Variants in SCAMP1 observed in about 807,000 individuals in gnomAD.
The protein encoded by SCAMP1 is secretory carrier membrane protein 1.
A neutral mutation model predicts 41.8 loss-of-function variants in SCAMP1; 15 were observed. The observed-to-expected ratio is 0.36, with a 90% CI of 0.24 to 0.55. The LOEUF (loss-of-function observed/expected upper bound fraction) is 0.55. SCAMP1 is among the 20% of genes least tolerant of loss of function. The pLI is 0.86. For synonymous variants in SCAMP1, 135 were observed against 136.8 expected (o/e 0.99, Z 0.09); for missense variants, 341 against 412.6 (o/e 0.83, Z 1.50).
chr5:78,403,126 C>T (rs1356559684), intron 2 of SCAMP1, among the ~76,000 whole-genome samples: 1 of 152,210 alleles, frequency 6.6e-6, no homozygotes, highest in Non-Finnish European at 1.5e-5. Flanking sequence ...CTGCCTCGGC[C>T]TCCCAAAGTG....
chr5:78,421,435 G>T (rs1196955500), intron 5 of SCAMP1, among the ~76,000 whole-genome samples: 1 of 151,912 alleles, frequency 6.6e-6, no homozygotes, highest in Admixed American at 6.6e-5. Context: ...CTAAGTCCTG[G>T]GTCTTTTCCT....
rs562856601 is a variant in SCAMP1 at position 78,360,644 on chromosome 5, C to T, written c.-28C>T. ...CTCGTCTCTCTCTCTGCGCCTGGGT[C>T]GGGTGGGTGACGCCGAGAGCCAGAG... On this transcript the variant is annotated 5_prime_UTR_variant, in exon 1 of 9. Transcript: ENST00000621999. 75 of 1,597,792 alleles carry T rather than the reference C, an allele frequency of 4.7e-5. No homozygotes were observed. Among genetic ancestry groups the T allele is most frequent in the Non-Finnish European group, 5.8e-5 (68 of 1,172,922 alleles).
chr5:78,379,877 CT>C (rs1039015355), intron 1 of SCAMP1, among the ~76,000 whole-genome samples: 1 of 151,996 alleles, frequency 6.6e-6, no homozygotes, highest in African/African-American at 2.4e-5. Context: ...CTCCTTTTTT[CT>C]TTTTGAGTTA....
chr5:78,428,352 C>G (rs1752517803), intron 6 of SCAMP1, among the ~76,000 whole-genome samples: 1 of 152,134 alleles, frequency 6.6e-6, no homozygotes, highest in Non-Finnish European at 1.5e-5. Context: ...GTTGAAAAAT[C>G]ACTTGTCCAT....
intron 8 of SCAMP1, among the ~76,000 whole-genome samples, chr5:78,470,621 G>T (rs1188321340): frequency 1.3e-5 from 2 of 152,126 alleles, no homozygotes; most frequent in East Asian, 3.8e-4. Context: ...GTGAACATTG[G>T]TGTACAGTTA....
intron 4 of SCAMP1, among the ~76,000 whole-genome samples, chr5:78,417,693 A>G (rs914334589): frequency 4.6e-5 from 7 of 152,282 alleles, no homozygotes; most frequent in Middle Eastern, 6.8e-3. Context: ...GGAGAGAGTA[A>G]GTTGCCCAAG....
At chr5:78,418,682 C>T in intron 4 of SCAMP1, 93 bp from the exon 5 acceptor site, 1 of 796,206 alleles carries the variant, frequency 1.3e-6, no homozygotes, top group Admixed American at 3.3e-5. Flanking sequence ...CTTTTGTTAA[C>T]ATAATAGAGT....
chr5:78,391,079 G>A (rs1048433756), intron 2 of SCAMP1, among the ~76,000 whole-genome samples: 2 of 139,228 alleles, frequency 1.4e-5, no homozygotes, highest in Non-Finnish European at 3.2e-5. Flanking sequence ...GCAACCATCC[G>A]ATTTCTCAAT....
At chr5:78,376,952 C>A (rs574269832) in intron 1 of SCAMP1, among the ~76,000 whole-genome samples, 16 of 152,082 alleles carry the variant, frequency 1.1e-4, no homozygotes, top group African/African-American at 3.6e-4. Context: ...ACAGGGTGAT[C>A]CTAAGAAAAG....
At chr5:78,426,980 G>C (rs1398158433) in intron 6 of SCAMP1, among the ~76,000 whole-genome samples, 1 of 152,072 alleles carries the variant, frequency 6.6e-6, no homozygotes, top group East Asian at 1.9e-4. Context: ...ATGGATATTT[G>C]GCTCTTTTCA....
chr5:78,460,697 C>CTT (rs1753563425), intron 8 of SCAMP1, among the ~76,000 whole-genome samples: 1 of 144,148 alleles, frequency 6.9e-6, no homozygotes, highest in South Asian at 2.2e-4. Flanking sequence ...TGTAGATTGT[C>CTT]TCTTTACTCT....
At chr5:78,449,751 T>G (rs1753169903) in intron 6 of SCAMP1, among the ~76,000 whole-genome samples, 182 bp from the exon 7 acceptor site, 1 of 152,184 alleles carries the variant, frequency 6.6e-6, no homozygotes, top group Admixed American at 6.5e-5. Context: ...CGAGTTCACA[T>G]AAGTTATTAC....
rs114569357 is a variant in SCAMP1, at chr5:78,443,974, A to G, written c.633-5959A>G. ...CCCAGCTCTTAATAGATTTTAAGAG[A>G]TAGACTCTATTATAAATTTAGAATT... On this transcript the variant is annotated intron_variant, in intron 6 of 8. Transcript: ENST00000621999. 8.8e-3 allele frequency among the ~76,000 whole-genome samples: 1,347 copies of G among 152,232 alleles called. 16 individuals carry two copies. The highest frequency in any genetic ancestry group is 0.031 in the African/African-American group (1,268 of 41,520).
chr5:78,444,111 G>T (rs1185139198), intron 6 of SCAMP1, among the ~76,000 whole-genome samples: 2 of 152,158 alleles, frequency 1.3e-5, no homozygotes, highest in East Asian at 3.8e-4. Flanking sequence ...CTATTCTGGA[G>T]AAAGAATTCA....
At chr5:78,456,510 G>GC (rs1310114371) in intron 7 of SCAMP1, among the ~76,000 whole-genome samples, 1 of 151,372 alleles carries the variant, frequency 6.6e-6, no homozygotes, top group Admixed American at 6.6e-5. Context: ...TTGAATATTG[G>GC]CCCCCACTCT....
chr5:78,458,529 G>C (rs1753493389), intron 7 of SCAMP1, among the ~76,000 whole-genome samples: 1 of 152,088 alleles, frequency 6.6e-6, no homozygotes, highest in Non-Finnish European at 1.5e-5. Context: ...TCCTTTGTTG[G>C]ATATATGGTT....
intron 6 of SCAMP1, among the ~76,000 whole-genome samples, chr5:78,440,163 C>T (rs769242049): frequency 2.0e-5 from 3 of 152,126 alleles, no homozygotes; most frequent in Non-Finnish European, 2.9e-5. Context: ...TCCTTTAGCT[C>T]GGAGAAGTTT....
At chr5:78,368,696 G>A (rs1206266685) in intron 1 of SCAMP1, among the ~76,000 whole-genome samples, 1 of 152,164 alleles carries the variant, frequency 6.6e-6, no homozygotes, top group African/African-American at 2.4e-5. Context: ...ATGGTCATGG[G>A]ACTGGAATCA....
chr5:78,409,366 T>C (rs1580671995), intron 2 of SCAMP1, among the ~76,000 whole-genome samples: 1 of 152,008 alleles, frequency 6.6e-6, no homozygotes, highest in Admixed American at 6.6e-5. Context: ...GTGAAAGTCT[T>C]GAGTGGCTTG....
Sources: gnomAD v4.1 joint callset for allele counts (sites outside exome capture counted in the v4.1 genomes callset) on GRCh38, gnomAD v4.1.1 for gene constraint, MANE v1.5 for transcripts, NCBI Gene and HGNC (gene_info 2026-07-23, HGNC 2026-07-21) for gene names.